The following MUC5B variants were observed in gnomAD, a reference collection of about 807,000 sequenced individuals.
MUC5B encodes the protein mucin 5B, oligomeric mucus/gel-forming, also known as mucin-5B.
A neutral mutation model predicts 376.9 loss-of-function variants in MUC5B; 116 were observed. That is an observed-to-expected ratio of 0.31 (90% CI 0.26 to 0.36). The LOEUF is 0.36. Ranked by LOEUF, MUC5B falls within the 10% of genes least tolerant of loss-of-function variation. The pLI is 1.00. For missense variants in MUC5B, 7,165 were observed against 7,769.9 expected, an observed-to-expected ratio of 0.92 and a Z score of 2.93; for synonymous variants, 3,517 against 3,390.9, an observed-to-expected ratio of 1.04 and a Z score of -1.29.
In MUC5B at chr11:1,247,130, C is replaced by T. The variant is rs1164008308; in HGVS notation, c.10250C>T (p.Pro3417Leu). The T allele has an allele frequency of 6.4e-7, 1 of 1,569,416 alleles. No individual in the cohort carries two copies. The highest frequency in any genetic ancestry group is 1.4e-5 in the African/African-American group (1 of 73,198). The change falls in exon 31 of 49, where the codon CCA becomes CTA. Residue 3417 changes from proline (P) to leucine (L), a missense_variant. This residue lies in a region of MUC5B where 939 missense variants were observed against 770.6 expected (regional missense o/e 1.22). Coordinates refer to ENST00000529681, the MANE Select transcript of MUC5B (RefSeq NM_002458.3). ...SSTPGTTPIPPVLTTTATTPA... is the reference protein window; with the variant it reads ...SSTPGTTPIPLVLTTTATTPA... Reference sequence around the variant, plus strand: ...ACTCCAGGGACAACTCCCATCCCCCCAGTGCTGACCACCACCGCCACCACA... The same window carrying T: ...ACTCCAGGGACAACTCCCATCCCCCTAGTGCTGACCACCACCGCCACCACA...
chr11:1,254,472 A>AG (rs1033461065), intron 34 of MUC5B, 121 bp downstream of exon 34: 15 of 1,422,762 alleles, frequency 1.1e-5, no homozygotes, highest in Non-Finnish European at 1.3e-5. Context: ...GACAGCTCCC[A>AG]GGGGGCAGGG....
Position 1,227,027 on chromosome 11 carries a change from G to C in MUC5B, c.462-4G>C. The C allele has an allele frequency of 6.2e-7, 1 of 1,606,530 alleles. No homozygotes were observed. Among genetic ancestry groups the C allele is most frequent in the Non-Finnish European group, 8.5e-7 (1 of 1,176,362 alleles). ...CCCAGGGAGAGACCCCGCTGTCTGC[G>C]CAGGGAGGAGCTGCCTTACAGCCGC... On this transcript the variant is annotated splice_polypyrimidine_tract_variant and splice_region_variant and intron_variant, in intron 4 of 48. Transcript: ENST00000529681.
In MUC5B at chr11:1,247,694, G is replaced by A. The variant is rs1463703989; in HGVS notation, c.10814G>A (p.Gly3605Glu). 5 of 1,584,090 alleles carry A rather than the reference G, an allele frequency of 3.2e-6. No homozygotes were observed. Among genetic ancestry groups the A allele is most frequent in the Admixed American group, 1.7e-5 (1 of 59,042 alleles). Residue 3605 changes from glycine to glutamate, a missense_variant, in exon 31 of 49, where the codon GGA (glycine) becomes GAA (glutamate). Physicochemically the swap from Gly to Glu is moderately conservative, Grantham distance 98. Around this residue, in one of 31 missense-constraint regions of MUC5B, gnomAD observed 81 missense variants for 154.5 expected, o/e 0.52. Coordinates refer to ENST00000529681, the MANE Select transcript of MUC5B (RefSeq NM_002458.3). ...ACCTACTCCAACATCCGTGCGGCCGGAGGGGCAGTCTGTGAGCAGCCCCTG... is the reference window on the plus strand; with the variant it reads ...ACCTACTCCAACATCCGTGCGGCCGAAGGGGCAGTCTGTGAGCAGCCCCTG... The part of the protein sequence containing the change: ...FDTYSNIRAA[G>E]GAVCEQPLGL...
chr11:1,254,293 A>T lies in MUC5B; in HGVS notation c.15419A>T (p.Tyr5140Phe). 6.2e-7 allele frequency: 1 copy of T among 1,610,208 alleles called. No individual in the cohort carries two copies. Among genetic ancestry groups the T allele is most frequent in the Non-Finnish European group, 8.5e-7 (1 of 1,179,812 alleles). ...ARCPRALSIH[Y>F]KSMDIVLTVT... ...TGCCCCCGCGCCCTCAGCATCCACTACAAGTCCATGGATATCGTCCTCACT... is the reference window on the plus strand; with the variant it reads ...TGCCCCCGCGCCCTCAGCATCCACTTCAAGTCCATGGATATCGTCCTCACT... Residue 5140 changes from tyrosine to phenylalanine, a missense_variant, in exon 34 of 49, where the codon TAC (tyrosine) becomes TTC (phenylalanine). Tyr to Phe is a conservative substitution (Grantham distance 22, BLOSUM62 3). This residue lies in a region of MUC5B where 842 missense variants were observed against 1,016.9 expected (regional missense o/e 0.83). Transcript: ENST00000529681.
rs376018459 is a variant in MUC5B at position 1,249,937 on chromosome 11, C to A, written c.13057C>A (p.Pro4353Thr). 1.2e-6 allele frequency: 2 copies of A among 1,613,026 alleles called. No individual in the cohort carries two copies. The highest frequency in any genetic ancestry group is 1.7e-6 in the Non-Finnish European group (2 of 1,179,668). Reference protein sequence around the residue: ...TPVATMSTIHPSSTPETTHTS... With the variant: ...TPVATMSTIHTSSTPETTHTS... ...CGTGGCCACCATGTCCACAATCCAC[C>A]CCTCCTCCACTCCGGAGACCACCCA... The change falls in exon 31 of 49, where the codon CCC becomes ACC. Residue 4353 changes from proline (P) to threonine (T), a missense_variant. Coordinates refer to ENST00000529681, the MANE Select transcript of MUC5B (RefSeq NM_002458.3).
rs1045124524 is a variant in MUC5B at position 1,232,834 on chromosome 11, G to A, written c.2065+64G>A. The A allele has an allele frequency of 2.4e-5, 36 of 1,505,956 alleles. 1 individual carries two copies. In the South Asian group the frequency reaches 3.1e-4, roughly 13 times the overall value. 93.3% of individuals were successfully genotyped at this position (1,505,956 alleles called of 1,614,324 possible). On this transcript the variant is annotated intron_variant, in intron 17 of 48. Transcript: ENST00000529681. Reference sequence around the variant, plus strand: ...CGTGGGGGTGCGGGGGACCCTGGCCGGCAGCAGCCGTCACTCACACGGTTC... The same window carrying A: ...CGTGGGGGTGCGGGGGACCCTGGCCAGCAGCAGCCGTCACTCACACGGTTC...
rs777050236 is a variant in MUC5B, at chr11:1,250,775, C to T, written c.13895C>T (p.Thr4632Ile). Reference protein sequence around the residue: ...TTTPTTTTPTTSGSTVTPSSI... With the variant: ...TTTPTTTTPTISGSTVTPSSI... ...ACACCCACAACCACCACACCCACAA[C>T]CAGTGGCTCCACGGTGACCCCCTCC... is the stretch of plus-strand genomic sequence containing the variant. The change falls in exon 31 of 49, where the codon ACC becomes ATC. Residue 4632 changes from threonine to isoleucine, a missense_variant. Thr to Ile is a moderately conservative substitution (Grantham distance 89, BLOSUM62 -1). Transcript: ENST00000529681. The T allele has an allele frequency of 1.5e-5, 24 of 1,613,166 alleles. No individual in the cohort carries two copies. Among genetic ancestry groups the T allele is most frequent in the East Asian group, 2.2e-5 (1 of 44,876 alleles).
Position 1,250,007 on chromosome 11 carries a change from C to G in MUC5B, c.13127C>G (p.Thr4376Ser), listed in dbSNP as rs943228511. 3.7e-6 allele frequency: 6 copies of G among 1,612,326 alleles called. No homozygotes were observed. The highest frequency in any genetic ancestry group is 1.7e-5 in the Admixed American group (1 of 59,930). Residue 4376 changes from threonine to serine, a missense_variant, in exon 31 of 49, where the codon ACC becomes AGC. By Grantham distance (58) the Thr-to-Ser change is moderately conservative. This residue lies in a region of MUC5B where 431 missense variants were observed against 390.4 expected (regional missense o/e 1.10). Coordinates refer to ENST00000529681, the MANE Select transcript of MUC5B (RefSeq NM_002458.3). The part of the protein sequence containing the change: ...LTTKATTTRA[T>S]SSTSTPSSTP... ...ACGAAGGCCACCACGACAAGGGCCA[C>G]CAGTTCCACGTCCACCCCCTCCTCC... is the stretch of plus-strand genomic sequence containing the variant.
Position 1,260,047 on chromosome 11 carries a change from C to T in MUC5B, c.16885C>T (p.Pro5629Ser), listed in dbSNP as rs370000905. ...TGAGGGTGGAGTCCATTTGCTGACCCCACAGCCTGCATCCTGCCCAGATGT... is the reference window on the plus strand; with the variant it reads ...TGAGGGTGGAGTCCATTTGCTGACCTCACAGCCTGCATCCTGCCCAGATGT... ...EAEGGVHLLTPQPASCPDVSS... is the reference protein window; with the variant it reads ...EAEGGVHLLTSQPASCPDVSS... The change falls in exon 46 of 49, where the codon CCA becomes TCA. Residue 5629 changes from proline (P) to serine (S), a missense_variant. Physicochemically the swap from Pro to Ser is moderately conservative, Grantham distance 74. This residue lies in a region of MUC5B where 842 missense variants were observed against 1,016.9 expected (regional missense o/e 0.83). Coordinates refer to ENST00000529681, the MANE Select transcript of MUC5B (RefSeq NM_002458.3). 4 of 1,612,606 alleles carry T rather than the reference C, an allele frequency of 2.5e-6. No homozygotes were observed. The highest frequency in any genetic ancestry group is 3.4e-6 in the Non-Finnish European group (4 of 1,179,772).
In MUC5B at chr11:1,246,150, C is replaced by T; in HGVS notation, c.9270C>T (p.Thr3090=). 1 of 1,613,186 alleles carries T rather than the reference C, an allele frequency of 6.2e-7. No individual in the cohort carries two copies. The highest frequency in any genetic ancestry group is 2.2e-5 in the East Asian group (1 of 44,822). The part of the protein sequence containing the change: ...LPEQTTTPMA[T]MSTIHPSSTP... ...AACAGACCACCACACCCATGGCCAC[C>T]ATGTCCACAATCCACCCCTCCTCCA... The change falls in exon 31 of 49, where the codon ACC becomes ACT. Residue 3090 remains threonine, a synonymous_variant. Transcript: ENST00000529681.
rs759393773 is a variant in MUC5B, at chr11:1,234,176, G to T, written c.2378-29G>T. ...TGAGGGCCGTGGCTGCCCTTCCCCA[G>T]GACCCCTCCCACCAAGCTCTGTCCC... On this transcript the variant is annotated intron_variant, in intron 19 of 48. Coordinates refer to ENST00000529681, the MANE Select transcript of MUC5B (RefSeq NM_002458.3). This position sits in a 1 kb window ranked among gnomAD's most constrained non-coding sequence, Gnocchi z 6.3. 1 of 1,558,052 alleles carries T rather than the reference G, an allele frequency of 6.4e-7. No individual in the cohort carries two copies.
Position 1,242,246 on chromosome 11 carries a change from A to G in MUC5B, c.5366A>G (p.Glu1789Gly). The G allele has an allele frequency of 6.2e-7, 1 of 1,613,720 alleles. No individual in the cohort carries two copies. The highest frequency in any genetic ancestry group is 8.5e-7 in the Non-Finnish European group (1 of 1,179,790). Residue 1789 changes from glutamate to glycine, a missense_variant, in exon 31 of 49, where the codon GAG becomes GGG. Transcript: ENST00000529681. ...QGTTRCQPKC[E>G]WTEWFDVDFP... The stretch of plus-strand genomic sequence containing the variant: ...ACGACCCGCTGTCAACCGAAGTGTG[A>G]GTGGACAGAGTGGTTTGACGTGGAC...
At chr11:1,223,276 T>C in intron 1 of MUC5B, 83 bp downstream of exon 1, 1 of 701,232 alleles carries the variant, frequency 1.4e-6, no homozygotes, top group Non-Finnish European at 2.6e-6. Context: ...GAGCTTCTCC[T>C]GCAGAGTGCA....
rs541603428 is a variant in MUC5B, at chr11:1,261,750, C to G, written c.*142C>G. 1 of 878,372 alleles carries G rather than the reference C, an allele frequency of 1.1e-6. No homozygotes were observed. Among genetic ancestry groups the G allele is most frequent in the African/African-American group, 1.7e-5 (1 of 60,562 alleles). 54.4% of individuals were successfully genotyped at this position (878,372 alleles called of 1,614,324 possible). On this transcript the variant is annotated 3_prime_UTR_variant, in exon 49 of 49. Transcript: ENST00000529681. ...CGCTCCGTGCTCCTGCTGCCCACCC[C>G]GTGGGTGAAACCGGCCCCAGAAGGG...
Position 1,246,273 on chromosome 11 carries a change from G to T in MUC5B, c.9393G>T (p.Thr3131=). The T allele has an allele frequency of 4.4e-6, 7 of 1,608,780 alleles. No homozygotes were observed. The highest frequency in any genetic ancestry group is 5.1e-6 in the Non-Finnish European group (6 of 1,178,208). The change falls in exon 31 of 49, where the codon ACG becomes ACT. Residue 3131 remains threonine, a synonymous_variant. Coordinates refer to ENST00000529681, the MANE Select transcript of MUC5B (RefSeq NM_002458.3). ...SMSTPSSTPG[T]TWILTELTTA... Reference sequence around the variant, plus strand: ...CCACCCCCTCCTCCACTCCGGGGACGACCTGGATCCTCACAGAGCTGACCA... The same window carrying T: ...CCACCCCCTCCTCCACTCCGGGGACTACCTGGATCCTCACAGAGCTGACCA...
Position 1,247,478 on chromosome 11 carries a change from C to G in MUC5B, c.10598C>G (p.Thr3533Ser), listed in dbSNP as rs754195228. The G allele has an allele frequency of 5.8e-5, 93 of 1,608,254 alleles. 1 individual carries two copies. The East Asian group carries it at 2.1e-3, about 35-fold the overall frequency. ...CCAGGGACGACCACCCCGGGCCACACCAGGGGCACCTCCAGGACCACAGCC... is the reference window on the plus strand; with the variant it reads ...CCAGGGACGACCACCCCGGGCCACAGCAGGGGCACCTCCAGGACCACAGCC... ...PSPGTTTPGHTRGTSRTTATA... is the reference protein window; with the variant it reads ...PSPGTTTPGHSRGTSRTTATA... The change falls in exon 31 of 49, where the codon ACC becomes AGC. Residue 3533 changes from threonine to serine, a missense_variant. Thr to Ser is a moderately conservative substitution (Grantham distance 58, BLOSUM62 1). This residue lies in a region of MUC5B where 939 missense variants were observed against 770.6 expected (regional missense o/e 1.22). Coordinates refer to ENST00000529681, the MANE Select transcript of MUC5B (RefSeq NM_002458.3).
chr11:1,236,680 G>T, intron 24 of MUC5B, 118 bp downstream of exon 24: 1 of 1,205,726 alleles, frequency 8.3e-7, no homozygotes, highest in Admixed American at 2.4e-5. Context: ...CCTGGCTGGT[G>T]AGGGCCCTGC....
chr11:1,233,918 C>G (rs56353054), intron 19 of MUC5B, 70 bp downstream of exon 19: 4 of 1,455,878 alleles, frequency 2.7e-6, no homozygotes, highest in African/African-American at 1.4e-5. Context: ...GGCCCCAACA[C>G]GCCCCACCCT....
At chr11:1,229,328 G>C (rs772211075) in intron 9 of MUC5B, 33 bp downstream of exon 9, 3 of 1,511,698 alleles carry the variant, frequency 2.0e-6, no homozygotes, top group Admixed American at 4.1e-5. Context: ...CCCTCAGGGG[G>C]CTTTCAGGTC....
Sources: allele counts gnomAD v4.1 joint callset, GRCh38; gene constraint gnomAD v4.1.1; regional missense constraint gnomAD v4.1.1; non-coding constraint Gnocchi (gnomAD v3.1); transcripts MANE v1.5; gene names NCBI Gene and HGNC (gene_info 2026-07-23, HGNC 2026-07-21).